PTPRM: variants seen among roughly 807,000 people sequenced by gnomAD.
PTPRM encodes protein tyrosine phosphatase receptor type M.
Under a neutral mutation model 186.7 loss-of-function variants are expected in PTPRM, and 47 were observed. The observed-to-expected ratio is 0.25, with a 90% CI of 0.20 to 0.32. The LOEUF is 0.32. Among genes scored for constraint, PTPRM ranks in the 10% least tolerant of loss-of-function variants. PTPRM has a pLI of 1.00. For missense variants in PTPRM, 1,494 were observed against 1,865.0 expected, an observed-to-expected ratio of 0.80 and a Z score of 3.66; for synonymous variants, 668 against 674.9, an observed-to-expected ratio of 0.99 and a Z score of 0.16.
chr18:7,781,044 G>C (rs1055948052), intron 2 of PTPRM, among the ~76,000 whole-genome samples: 1 of 151,990 alleles, frequency 6.6e-6, no homozygotes, highest in Non-Finnish European at 1.5e-5. Flanking sequence ...CCTCTAACCC[G>C]GCCCAGTGCA....
At chr18:7,902,779 A>T (rs887096164) in intron 3 of PTPRM, among the ~76,000 whole-genome samples, 2 of 152,060 alleles carry the variant, frequency 1.3e-5, no homozygotes, top group African/African-American at 4.8e-5. Flanking sequence ...CGATGGATGA[A>T]AAAACAGATC....
chr18:7,896,324 C>A (rs1173414975), intron 3 of PTPRM, among the ~76,000 whole-genome samples: 2 of 152,138 alleles, frequency 1.3e-5, no homozygotes, highest in Non-Finnish European at 2.9e-5. Flanking sequence ...TGTTTCCCAC[C>A]CCTACACCCT....
intron 1 of PTPRM, among the ~76,000 whole-genome samples, chr18:7,589,781 A>C (rs921495159): frequency 9.2e-5 from 14 of 152,224 alleles, no homozygotes; most frequent in African/African-American, 4.8e-5. Flanking sequence ...CTCCTCATTT[A>C]ACCTGAAAGA....
intron 7 of PTPRM, among the ~76,000 whole-genome samples, chr18:7,995,385 C>T (rs2083480859): frequency 1.3e-5 from 2 of 151,968 alleles, no homozygotes; most frequent in South Asian, 4.2e-4. Flanking sequence ...ACAATTATTC[C>T]AAAAATTAGA....
chr18:7,688,419 G>A (rs911152718), intron 1 of PTPRM, among the ~76,000 whole-genome samples: 5 of 152,170 alleles, frequency 3.3e-5, no homozygotes, highest in African/African-American at 7.2e-5. Context: ...ACACAAGATG[G>A]TCCTTCCAGA....
At chr18:8,304,498 TGA>T (rs1452232872) in intron 20 of PTPRM, among the ~76,000 whole-genome samples, 1 of 152,218 alleles carries the variant, frequency 6.6e-6, no homozygotes, top group Non-Finnish European at 1.5e-5. Context: ...AGGCTTTTTT[TGA>T]GAGATATGAG....
intron 7 of PTPRM, among the ~76,000 whole-genome samples, chr18:8,054,598 T>G (rs2087778572): frequency 6.6e-6 from 1 of 152,026 alleles, no homozygotes; most frequent in Admixed American, 6.6e-5. Context: ...GATGGAAAGA[T>G]CTTACAACAC....
intron 19 of PTPRM, among the ~76,000 whole-genome samples, chr18:8,266,473 A>G (rs1260026243): frequency 6.6e-6 from 1 of 152,198 alleles, no homozygotes; most frequent in Non-Finnish European, 1.5e-5. Flanking sequence ...TTATTGTCAC[A>G]TGTATCATTC....
At chr18:8,048,376 C>A (rs1030562625) in intron 7 of PTPRM, among the ~76,000 whole-genome samples, 1 of 151,436 alleles carries the variant, frequency 6.6e-6, no homozygotes, top group African/African-American at 2.4e-5. Flanking sequence ...ATAAAAGTGG[C>A]GGGTTCATTT....
At chr18:8,318,713 G>A (rs528472020) in intron 21 of PTPRM, among the ~76,000 whole-genome samples, 1 of 152,340 alleles carries the variant, frequency 6.6e-6, no homozygotes, top group African/African-American at 2.4e-5. Flanking sequence ...ACAGTAGCAT[G>A]TCATGGTATT....
chr18:8,394,159 C>G (rs1338668173), intron 31 of PTPRM, among the ~76,000 whole-genome samples: 1 of 152,134 alleles, frequency 6.6e-6, no homozygotes, highest in Non-Finnish European at 1.5e-5. Context: ...AGCAATTTTC[C>G]TGGCAGAACC....
rs138780326 is a variant in PTPRM, at chr18:8,206,293, C to T, written c.2301-37765C>T. On this transcript the variant is annotated intron_variant, in intron 14 of 32. Transcript: ENST00000580170. ...ATTTTGAGACGGAGTCTTGCACTGT[C>T]GCCCAGGCTGGAGTGCAGTCGCGCC... Among the ~76,000 whole-genome samples the T allele has an allele frequency of 8.9e-4, 116 of 130,838 alleles. No homozygotes were observed. In the East Asian group the frequency reaches 0.025, roughly 28 times the overall value. The allele number at this position is 130,838 out of a possible 152,430, so 85.8% of individuals were successfully genotyped here.
chr18:7,828,404 G>T (rs142173698), intron 2 of PTPRM, among the ~76,000 whole-genome samples: 2 of 149,534 alleles, frequency 1.3e-5, no homozygotes, highest in African/African-American at 4.9e-5. Context: ...ATCCCTCCCC[G>T]CTTCCCCCCA....
At chr18:7,972,494 AGGAGAG>A in intron 7 of PTPRM, among the ~76,000 whole-genome samples, 1 of 135,238 alleles carries the variant, frequency 7.4e-6, no homozygotes, top group Middle Eastern at 3.9e-3. Flanking sequence ...AAAAAAAAAA[AGGAGAG>A]AAACATGGAA....
chr18:8,375,177 C>T (rs536112321), intron 24 of PTPRM, among the ~76,000 whole-genome samples: 5 of 152,222 alleles, frequency 3.3e-5, no homozygotes, highest in African/African-American at 7.2e-5. Flanking sequence ...AAGAGCAAAC[C>T]GTAAAGTCTC....
intron 14 of PTPRM, among the ~76,000 whole-genome samples, chr18:8,219,733 C>A (rs2094133333): frequency 6.6e-6 from 1 of 152,086 alleles, no homozygotes; most frequent in Admixed American, 6.6e-5. Flanking sequence ...AGGAACAAAA[C>A]TTGGTCTAAA....
chr18:7,777,573 C>T (rs187755960), intron 2 of PTPRM, among the ~76,000 whole-genome samples: 58 of 152,310 alleles, frequency 3.8e-4, no homozygotes, highest in Non-Finnish European at 5.4e-4. Context: ...ATTTTGGCAT[C>T]AGCATGTAAT....
intron 2 of PTPRM, among the ~76,000 whole-genome samples, chr18:7,887,357 G>C (rs1284350150): frequency 6.6e-6 from 1 of 152,100 alleles, no homozygotes; most frequent in Admixed American, 6.6e-5. Flanking sequence ...CAAAGAGCTC[G>C]TGAGACTTCT....
chr18:8,101,490 G>GTGAT (rs2091288606), intron 11 of PTPRM, among the ~76,000 whole-genome samples: 1 of 152,178 alleles, frequency 6.6e-6, no homozygotes, highest in Admixed American at 6.5e-5. Flanking sequence ...TTAGCAGCTT[G>GTGAT]TGATAGATAA....
Sources: allele counts gnomAD v4.1 joint callset (sites outside exome capture counted in the v4.1 genomes callset), GRCh38; gene constraint gnomAD v4.1.1; transcripts MANE v1.5; gene names NCBI Gene and HGNC (gene_info 2026-07-23, HGNC 2026-07-21).